The following SYN3 variants were observed in gnomAD, a reference collection of about 807,000 sequenced individuals.
SYN3 encodes synapsin III.
A neutral mutation model predicts 65.8 loss-of-function variants in SYN3; 35 were observed. That is an observed-to-expected ratio of 0.53 (90% CI 0.41 to 0.70). SYN3 has a LOEUF of 0.70. Ranked by LOEUF, SYN3 falls within the 30% of genes least tolerant of loss-of-function variation. SYN3 has a pLI of 0.00. For synonymous variants in SYN3, 270 were observed against 292.9 expected, an observed-to-expected ratio of 0.92 and a Z score of 0.80; for missense variants, 680 against 749.0, an observed-to-expected ratio of 0.91 and a Z score of 1.08.
intron 10 of SYN3, among the ~76,000 whole-genome samples, chr22:32,533,313 C>A (rs1002885412): frequency 6.6e-6 from 1 of 152,232 alleles, no homozygotes; most frequent in East Asian, 1.9e-4. Context: ...CCAGCCTGCA[C>A]ACCCCATGTC....
At chr22:32,722,282 C>T (rs570232553) in intron 6 of SYN3, among the ~76,000 whole-genome samples, 22 of 152,238 alleles carry the variant, frequency 1.4e-4, no homozygotes, top group African/African-American at 4.1e-4. Context: ...AAATAAACAA[C>T]GATGGTGGCT....
At chr22:32,645,398 C>T (rs1000214242) in intron 6 of SYN3, among the ~76,000 whole-genome samples, 4 of 149,546 alleles carry the variant, frequency 2.7e-5, no homozygotes, top group African/African-American at 1.0e-4. Flanking sequence ...TGGCGGTGAG[C>T]GAAGATCGCA....
At chr22:32,986,479 C>A (rs1324954629) in intron 2 of SYN3, among the ~76,000 whole-genome samples, 1 of 152,182 alleles carries the variant, frequency 6.6e-6, no homozygotes, top group Non-Finnish European at 1.5e-5. Flanking sequence ...GTCAGGGAGT[C>A]CATCCCCCCG....
At chr22:32,763,393 C>T (rs139030676) in intron 6 of SYN3, among the ~76,000 whole-genome samples, 45 of 152,118 alleles carry the variant, frequency 3.0e-4, no homozygotes, top group Admixed American at 1.4e-3. Flanking sequence ...CCTCATGATC[C>T]GCCTGCCTTG....
intron 1 of SYN3, among the ~76,000 whole-genome samples, chr22:33,021,901 A>G (rs138957292): frequency 6.6e-6 from 1 of 152,274 alleles, no homozygotes; most frequent in African/African-American, 2.4e-5. Flanking sequence ...GCACCTAGAA[A>G]CAGTGCCTAG....
chr22:32,946,915 T>C (rs534604551), intron 3 of SYN3, among the ~76,000 whole-genome samples: 1 of 152,310 alleles, frequency 6.6e-6, no homozygotes, highest in African/African-American at 2.4e-5. Flanking sequence ...ACAGAGCTCT[T>C]GGTATTTTGC....
intron 6 of SYN3, among the ~76,000 whole-genome samples, chr22:32,655,398 A>G (rs557802632): frequency 0.012 from 1,752 of 152,236 alleles, 35 homozygotes; most frequent in African/African-American, 0.04. Flanking sequence ...GGGGTCTCCA[A>G]CCCCTTGGCC....
At chr22:32,950,643 G>A (rs1000602658) in intron 3 of SYN3, among the ~76,000 whole-genome samples, 1 of 152,140 alleles carries the variant, frequency 6.6e-6, no homozygotes, top group Admixed American at 6.5e-5. Context: ...TGACTTTTGA[G>A]TAAGAACAGC....
At chr22:32,817,007 C>T (rs1219814418) in intron 6 of SYN3, among the ~76,000 whole-genome samples, 1 of 150,950 alleles carries the variant, frequency 6.6e-6, no homozygotes, top group African/African-American at 2.4e-5. Context: ...CGCTTGAGCC[C>T]AGGAATTGAA....
In SYN3 at chr22:32,946,707, C is replaced by T. The variant is rs562261829; in HGVS notation, c.370-15226G>A. Among the ~76,000 whole-genome samples the T allele has an allele frequency of 2.4e-4, 36 of 152,054 alleles. No individual in the cohort carries two copies. In the South Asian group the frequency reaches 6.9e-3, roughly 29 times the overall value. On this transcript the variant is annotated intron_variant, in intron 3 of 13. Coordinates refer to ENST00000358763, the MANE Select transcript of SYN3 (RefSeq NM_003490.4). ...AAGTATAATAAAAAAAACTTTTTTC[C>T]CTTATTTTTAACAGAAAAAAAGACC...
rs1446573563 is a variant in SYN3 at position 32,837,439 on chromosome 22, A to G, written c.711+27476T>C. ...AGGTCAGCATGCCCCCTTAAACTTG[A>G]TGTCTCCTCAGAGCACAGCACAGAT... is the stretch of plus-strand genomic sequence containing the variant. On this transcript the variant is annotated intron_variant, in intron 6 of 13. Coordinates refer to ENST00000358763, the MANE Select transcript of SYN3 (RefSeq NM_003490.4). This position sits in a 1 kb window ranked among gnomAD's most constrained non-coding sequence, Gnocchi z 4.1. Among the ~76,000 whole-genome samples, 2 of 152,072 alleles carry G rather than the reference A, an allele frequency of 1.3e-5. No homozygotes were observed. Among genetic ancestry groups the G allele is most frequent in the African/African-American group, 2.4e-5 (1 of 41,398 alleles).
At chr22:32,919,945 C>G (rs2050292161) in intron 4 of SYN3, among the ~76,000 whole-genome samples, 1 of 152,192 alleles carries the variant, frequency 6.6e-6, no homozygotes, top group African/African-American at 2.4e-5. Flanking sequence ...AGACCATCCC[C>G]TCCTCTGGGA....
chr22:32,553,128 T>C (rs922631154), intron 7 of SYN3, among the ~76,000 whole-genome samples: 1 of 152,118 alleles, frequency 6.6e-6, no homozygotes, highest in Non-Finnish European at 1.5e-5. Context: ...CGTGACCTCA[T>C]CTAAACCTAA....
chr22:32,741,192 A>C (rs1018434192), intron 6 of SYN3, among the ~76,000 whole-genome samples: 2 of 152,098 alleles, frequency 1.3e-5, no homozygotes, highest in Non-Finnish European at 2.9e-5. Flanking sequence ...TTAGCATTTT[A>C]CATTGGTCAA....
At chr22:32,971,178 A>G (rs2052008318) in intron 3 of SYN3, among the ~76,000 whole-genome samples, 1 of 152,212 alleles carries the variant, frequency 6.6e-6, no homozygotes, top group South Asian at 2.1e-4. Context: ...ATGAGCCTAA[A>G]GGTAGACCCA....
intron 6 of SYN3, among the ~76,000 whole-genome samples, chr22:32,613,072 A>C (rs116421850): frequency 0.033 from 5,083 of 151,938 alleles, 292 homozygotes; most frequent in African/African-American, 0.11. Flanking sequence ...GCCATGTGCA[A>C]ATGTGCCTGC....
intron 1 of SYN3, among the ~76,000 whole-genome samples, chr22:33,035,933 G>A (rs1007723798): frequency 2.0e-5 from 3 of 152,038 alleles, no homozygotes; most frequent in African/African-American, 7.2e-5. Flanking sequence ...TTGACTATAA[G>A]CTTATCTTCC....
At chr22:32,878,907 G>A (rs1471866242) in intron 4 of SYN3, among the ~76,000 whole-genome samples, 1 of 152,040 alleles carries the variant, frequency 6.6e-6, no homozygotes, top group Admixed American at 6.6e-5. Context: ...TGGGAATGAG[G>A]GTCCTGCATG....
At chr22:32,797,869 G>T (rs897587675) in intron 6 of SYN3, among the ~76,000 whole-genome samples, 3 of 152,152 alleles carry the variant, frequency 2.0e-5, no homozygotes, top group Admixed American at 2.0e-4. Context: ...GAGGCGAGAG[G>T]GATCCTGGAT....
Sources: allele counts gnomAD v4.1 joint callset (sites outside exome capture counted in the v4.1 genomes callset), GRCh38; gene constraint gnomAD v4.1.1; non-coding constraint Gnocchi (gnomAD v3.1); transcripts MANE v1.5; gene names NCBI Gene and HGNC (gene_info 2026-07-23, HGNC 2026-07-21).